The following UIMC1 variants were observed in gnomAD, a reference collection of about 807,000 sequenced individuals.
The protein encoded by UIMC1 is BRCA1-A complex subunit RAP80.
UIMC1 carries 42 observed loss-of-function variants against 84.9 expected under a neutral mutation model. That is an observed-to-expected ratio of 0.49 (90% CI 0.39 to 0.64). The LOEUF (loss-of-function observed/expected upper bound fraction) is 0.64, where lower values mean the gene tolerates loss of function less well. UIMC1 is among the 30% of genes least tolerant of loss of function. The pLI is 0.00. For missense variants in UIMC1, 825 were observed against 847.6 expected (o/e 0.97, Z 0.33); for synonymous variants, 281 against 293.0 (o/e 0.96, Z 0.42).
chr5:176,978,368 G>A (rs1398076754), intron 2 of UIMC1, among the ~76,000 whole-genome samples: 1 of 151,964 alleles, frequency 6.6e-6, no homozygotes, highest in African/African-American at 2.4e-5. Context: ...GCGAGACTCT[G>A]TCTCAAAAAA....
Position 176,969,593 on chromosome 5 carries a change from A to G in UIMC1, c.463+8T>C, listed in dbSNP as rs765082320. On this transcript the variant is annotated splice_region_variant and intron_variant, in intron 5 of 14. Transcript: ENST00000511320. ...ATGAATGGAAGGAGTCAGAACAGGGAGACATGCCTTCAGTGAGCCCAGAGT... is the reference window on the plus strand; with the variant it reads ...ATGAATGGAAGGAGTCAGAACAGGGGGACATGCCTTCAGTGAGCCCAGAGT... The G allele has an allele frequency of 1.2e-6, 2 of 1,613,246 alleles. No homozygotes were observed. Among genetic ancestry groups the G allele is most frequent in the Admixed American group, 1.7e-5 (1 of 60,018 alleles).
intron 6 of UIMC1, among the ~76,000 whole-genome samples, chr5:176,959,247 CAGAAAG>C (rs1475488125): frequency 6.6e-5 from 10 of 152,136 alleles, no homozygotes; most frequent in Non-Finnish European, 1.3e-4. Flanking sequence ...ATTGAACTCT[CAGAAAG>C]AGAAAGAAAG....
intron 12 of UIMC1, 156 bp from the exon 13 acceptor site, chr5:176,907,333 A>G (rs1205418962): frequency 4.7e-6 from 3 of 642,608 alleles, no homozygotes; most frequent in Non-Finnish European, 8.0e-6. Flanking sequence ...GGGTTTCACA[A>G]GTGAAAAAGC....
At chr5:176,992,132 G>T (rs1356330276) in intron 1 of UIMC1, among the ~76,000 whole-genome samples, 1 of 152,004 alleles carries the variant, frequency 6.6e-6, no homozygotes, top group Non-Finnish European at 1.5e-5. Context: ...CAAAAGAAGA[G>T]ATAGATTAAT....
At chr5:176,975,143 A>G (rs1170267878) in intron 3 of UIMC1, among the ~76,000 whole-genome samples, 1 of 149,322 alleles carries the variant, frequency 6.7e-6, no homozygotes, top group Non-Finnish European at 1.5e-5. Flanking sequence ...TCCTGTCTCT[A>G]AAAAAAAAAT....
At chr5:177,014,301 AC>A (rs1775628413) in intron 1 of UIMC1, among the ~76,000 whole-genome samples, 2 of 151,186 alleles carry the variant, frequency 1.3e-5, no homozygotes, top group Non-Finnish European at 1.5e-5. Flanking sequence ...CAATCCACCT[AC>A]CTCGGCCTCC....
At chr5:176,910,028 A>C (rs1342344735) in intron 11 of UIMC1, among the ~76,000 whole-genome samples, 4 of 152,258 alleles carry the variant, frequency 2.6e-5, no homozygotes, top group African/African-American at 9.6e-5. Context: ...AACAGCTATT[A>C]TTGCTGTCTC....
chr5:176,925,273 G>C (rs1053957063), intron 10 of UIMC1, among the ~76,000 whole-genome samples: 2 of 152,050 alleles, frequency 1.3e-5, no homozygotes, highest in African/African-American at 4.8e-5. Flanking sequence ...AGCCATCAGG[G>C]AATGCAATTA....
chr5:176,981,468 A>G (rs573358849), intron 2 of UIMC1, among the ~76,000 whole-genome samples: 2 of 152,076 alleles, frequency 1.3e-5, no homozygotes, highest in Non-Finnish European at 2.9e-5. Flanking sequence ...AAAAATCAAT[A>G]AAGATGTAAA....
chr5:176,984,073 C>T (rs1376513709), intron 1 of UIMC1, among the ~76,000 whole-genome samples: 4 of 135,166 alleles, frequency 3.0e-5, no homozygotes, highest in African/African-American at 5.8e-5. Flanking sequence ...TCTGCCCGGC[C>T]GCCCCGTCTG....
chr5:176,960,854 A>G lies in UIMC1; in HGVS notation c.1201-2700T>C, dbSNP rs1056592009. On this transcript the variant is annotated intron_variant, in intron 6 of 14. Coordinates refer to ENST00000511320, the MANE Select transcript of UIMC1 (RefSeq NM_001199298.2). Reference sequence around the variant, plus strand: ...CGCTGTGTTGGCCGGGCCGGTCTCCAGCCCCTAACCGCGAGTGATCCGCCA... The same window carrying G: ...CGCTGTGTTGGCCGGGCCGGTCTCCGGCCCCTAACCGCGAGTGATCCGCCA... 9.8e-5 allele frequency among the ~76,000 whole-genome samples: 6 copies of G among 61,000 alleles called. 2 individuals carry two copies. The highest frequency in any genetic ancestry group is 1.8e-4 in the Non-Finnish European group (6 of 33,708). 40.0% of individuals were successfully genotyped at this position (61,000 alleles called of 152,430 possible). A position where few individuals can be genotyped will look rare whatever the true frequency, so the allele number is the denominator to read the frequency against.
rs986942989 is a variant in UIMC1 at position 176,968,651 on chromosome 5, G to C, written c.1104C>G (p.Asp368Glu). Residue 368 changes from aspartate to glutamate, a missense_variant, in exon 6 of 15, where the codon GAC becomes GAG. By Grantham distance (45) the Asp-to-Glu change is conservative. Transcript: ENST00000511320. ...GGAAATCCTTGGTTTTTGAGTGCCA[G>C]TCAGATGCCCTAGACTCCTGCCTCT... ...KEERQESRAS[D>E]WHSKTKDFQE... The C allele has an allele frequency of 1.9e-5, 30 of 1,613,914 alleles. No individual in the cohort carries two copies. The highest frequency in any genetic ancestry group is 2.5e-5 in the Non-Finnish European group (30 of 1,180,026).
At chr5:176,990,199 CAAAG>C (rs1260536690) in intron 1 of UIMC1, among the ~76,000 whole-genome samples, 1 of 150,286 alleles carries the variant, frequency 6.7e-6, no homozygotes, top group Non-Finnish European at 1.5e-5. Context: ...AAAACAAAAA[CAAAG>C]AAAGAAATGG....
chr5:176,959,482 C>G (rs1195747979), intron 6 of UIMC1, among the ~76,000 whole-genome samples: 1 of 150,998 alleles, frequency 6.6e-6, no homozygotes, highest in Non-Finnish European at 1.5e-5. Context: ...TTTGGGAGGC[C>G]GAGGCAGGCA....
intron 1 of UIMC1, among the ~76,000 whole-genome samples, chr5:176,997,141 C>CA (rs1491435540): frequency 1.3e-3 from 66 of 50,640 alleles, no homozygotes; most frequent in African/African-American, 4.0e-3. Context: ...TTATCTTTAA[C>CA]TCTCTTTCCC....
At chr5:177,022,545 G>A in exon 1 of UIMC1, 1 of 572,578 alleles carries the variant, frequency 1.7e-6, no homozygotes, top group South Asian at 2.5e-5. Flanking sequence ...ATCAGCGACA[G>A]GTTTCCGAAT....
At chr5:176,947,129 T>C (rs1215146469) in intron 9 of UIMC1, among the ~76,000 whole-genome samples, 2 of 152,210 alleles carry the variant, frequency 1.3e-5, no homozygotes, top group Admixed American at 6.6e-5. Context: ...ACTTGTCTTA[T>C]TATGAATATA....
At chr5:176,986,922 T>G (rs1001366683) in intron 1 of UIMC1, among the ~76,000 whole-genome samples, 2 of 151,998 alleles carry the variant, frequency 1.3e-5, no homozygotes, top group East Asian at 3.9e-4. Context: ...AAGAAACACA[T>G]TAAAAAACTA....
chr5:176,949,331 T>C (rs1275904410), intron 9 of UIMC1, among the ~76,000 whole-genome samples: 1 of 152,178 alleles, frequency 6.6e-6, no homozygotes, highest in Non-Finnish European at 1.5e-5. Context: ...ATCTATTTGA[T>C]ATATAGTAGC....
Sources: allele counts gnomAD v4.1 joint callset (sites outside exome capture counted in the v4.1 genomes callset), GRCh38; gene constraint gnomAD v4.1.1; transcripts MANE v1.5; gene names NCBI Gene and HGNC (gene_info 2026-07-23, HGNC 2026-07-21).